LRBA: variants seen among roughly 807,000 people sequenced by gnomAD.
LRBA encodes lipopolysaccharide-responsive and beige-like anchor protein.
LRBA carries 176 observed loss-of-function variants against 330.0 expected under a neutral mutation model. The ratio of observed to expected loss-of-function variants is 0.53; its 90% CI spans 0.47 to 0.60. LRBA has a LOEUF of 0.60. Ranked by LOEUF, LRBA falls within the 20% of genes least tolerant of loss-of-function variation. The pLI, the probability that LRBA is intolerant of heterozygous loss-of-function variation, is 0.00. For synonymous variants in LRBA, 1,230 were observed against 1,193.0 expected (o/e 1.03, Z -0.64); for missense variants, 3,259 against 3,444.8 (o/e 0.95, Z 1.35).
intron 38 of LRBA, among the ~76,000 whole-genome samples, chr4:150,597,908 A>G (rs1773685323): frequency 6.6e-6 from 1 of 152,064 alleles, no homozygotes; most frequent in Non-Finnish European, 1.5e-5. Context: ...TATTCTCTGT[A>G]TGATCATTTA....
At chr4:150,379,496 T>G (rs868763341) in intron 47 of LRBA, among the ~76,000 whole-genome samples, 1 of 152,018 alleles carries the variant, frequency 6.6e-6, no homozygotes, top group Admixed American at 6.6e-5. Flanking sequence ...TTCAATCCCA[T>G]AGAGCCCAGC....
chr4:150,788,426 C>T (rs756715546), intron 34 of LRBA, among the ~76,000 whole-genome samples: 1 of 151,812 alleles, frequency 6.6e-6, no homozygotes, highest in Non-Finnish European at 1.5e-5. Context: ...ACCCATTTCA[C>T]TTAATAAGAA....
chr4:150,480,032 C>A (rs987137026), intron 42 of LRBA, among the ~76,000 whole-genome samples: 4 of 152,168 alleles, frequency 2.6e-5, no homozygotes, highest in Non-Finnish European at 4.4e-5. Flanking sequence ...ATTAGGTATG[C>A]TAAAAGTAAA....
At chr4:150,495,104 G>A (rs922860193) in intron 40 of LRBA, among the ~76,000 whole-genome samples, 3 of 152,086 alleles carry the variant, frequency 2.0e-5, no homozygotes, top group Non-Finnish European at 4.4e-5. Flanking sequence ...ATAAGAAAGT[G>A]ATAAATGCAT....
At chr4:150,759,865 C>T (rs923272356) in intron 35 of LRBA, among the ~76,000 whole-genome samples, 5 of 152,044 alleles carry the variant, frequency 3.3e-5, no homozygotes, top group Non-Finnish European at 7.4e-5. Context: ...AAAGCTGAAA[C>T]CTGAACCCAG....
chr4:150,497,299 T>G (rs1331090536), intron 40 of LRBA, among the ~76,000 whole-genome samples: 1 of 152,180 alleles, frequency 6.6e-6, no homozygotes, highest in Non-Finnish European at 1.5e-5. Flanking sequence ...TGACTTTTGG[T>G]TTTAAAATTC....
Position 150,996,057 on chromosome 4 carries a change from A to T in LRBA, c.216+18370T>A, listed in dbSNP as rs550136249. Reference sequence around the variant, plus strand: ...AGATACATTTCTGGAAATAATAATGATCAACAACAACCAAAAAAAAAAAAA... The same window carrying T: ...AGATACATTTCTGGAAATAATAATGTTCAACAACAACCAAAAAAAAAAAAA... On this transcript the variant is annotated intron_variant, in intron 2 of 56. Coordinates refer to ENST00000651943, the MANE Select transcript of LRBA (RefSeq NM_001364905.1). Among the ~76,000 whole-genome samples, 6 of 122,932 alleles carry T rather than the reference A, an allele frequency of 4.9e-5. No homozygotes were observed. In the South Asian group the frequency reaches 1.9e-3, roughly 40 times the overall value. 80.6% of individuals were successfully genotyped at this position (122,932 alleles called of 152,430 possible).
At chr4:150,318,848 T>C (rs901028723) in intron 50 of LRBA, among the ~76,000 whole-genome samples, 3 of 152,280 alleles carry the variant, frequency 2.0e-5, no homozygotes, top group Admixed American at 6.5e-5. Flanking sequence ...ATAGGCAAGA[T>C]TCTGCAGAAC....
chr4:151,014,197 C>T, intron 2 of LRBA: 1 of 452,470 alleles, frequency 2.2e-6, no homozygotes, highest in East Asian at 3.3e-5. Flanking sequence ...ATTTCCTTAG[C>T]ACAAAAGTGA....
intron 35 of LRBA, among the ~76,000 whole-genome samples, chr4:150,758,851 AGACAG>A (rs1734688217): frequency 6.6e-6 from 1 of 151,942 alleles, no homozygotes; most frequent in African/African-American, 2.4e-5. Context: ...CTGGAATTAC[AGACAG>A]AAGCCACTGC....
At chr4:150,611,103 C>T (rs374621264) in intron 37 of LRBA, among the ~76,000 whole-genome samples, 1 of 152,210 alleles carries the variant, frequency 6.6e-6, no homozygotes, top group African/African-American at 2.4e-5. Flanking sequence ...TGTAAATAAT[C>T]ATGGGACTGA....
At chr4:150,625,135 C>A (rs1316210416) in intron 37 of LRBA, among the ~76,000 whole-genome samples, 3 of 151,892 alleles carry the variant, frequency 2.0e-5, no homozygotes, top group Non-Finnish European at 4.4e-5. Flanking sequence ...AGAACAATTA[C>A]CAGGAGTAGG....
chr4:150,791,824 C>T (rs1465221027), intron 34 of LRBA, among the ~76,000 whole-genome samples: 1 of 151,776 alleles, frequency 6.6e-6, no homozygotes, highest in Non-Finnish European at 1.5e-5. Flanking sequence ...CTCAGGAGAT[C>T]GAGACCATCC....
At chr4:150,341,733 T>C (rs1015621112) in intron 48 of LRBA, among the ~76,000 whole-genome samples, 2 of 151,226 alleles carry the variant, frequency 1.3e-5, no homozygotes, top group Non-Finnish European at 1.5e-5. Flanking sequence ...TTTATTTACA[T>C]ACACACAGAC....
In LRBA at chr4:150,964,059, G is replaced by A. The variant is rs988338144; in HGVS notation, c.217-34994C>T. Reference sequence around the variant, plus strand: ...CATCTGAGAAGTGATGAGCCCCTCCGCCCGGCAGCCTCCCCGTCCGGGAAG... The same window carrying A: ...CATCTGAGAAGTGATGAGCCCCTCCACCCGGCAGCCTCCCCGTCCGGGAAG... On this transcript the variant is annotated intron_variant, in intron 2 of 56. Transcript: ENST00000651943. 2.4e-4 allele frequency among the ~76,000 whole-genome samples: 35 copies of A among 144,964 alleles called. No homozygotes were observed. In the East Asian group the frequency reaches 5.1e-3, roughly 21 times the overall value.
At chr4:150,905,760 T>C (rs1455171376) in intron 13 of LRBA, 78 bp downstream of exon 13, 2 of 1,263,814 alleles carry the variant, frequency 1.6e-6, no homozygotes, top group African/African-American at 3.0e-5. Context: ...AAAAAGAAAA[T>C]CCTCTTAATT....
chr4:150,507,259 C>T (rs866579606), intron 40 of LRBA, among the ~76,000 whole-genome samples: 53 of 152,166 alleles, frequency 3.5e-4, no homozygotes, highest in East Asian at 3.9e-4. Flanking sequence ...AAAAAGAGCC[C>T]GCATTGCCAA....
chr4:150,521,149 A>G (rs1762882039), intron 40 of LRBA, among the ~76,000 whole-genome samples: 1 of 152,104 alleles, frequency 6.6e-6, no homozygotes, highest in African/African-American at 2.4e-5. Context: ...TATCAATCTT[A>G]TCAAACTTTT....
intron 35 of LRBA, among the ~76,000 whole-genome samples, chr4:150,744,704 T>C (rs1732459533): frequency 6.6e-6 from 1 of 152,214 alleles, no homozygotes; most frequent in Non-Finnish European, 1.5e-5. Flanking sequence ...CCTTTCCAGC[T>C]TGAAACTCAT....
Sources: gnomAD v4.1 joint callset for allele counts (sites outside exome capture counted in the v4.1 genomes callset) on GRCh38, gnomAD v4.1.1 for gene constraint, MANE v1.5 for transcripts, NCBI Gene and HGNC (gene_info 2026-07-23, HGNC 2026-07-21) for gene names.